Variants in ZNF16 observed in about 807,000 individuals in gnomAD.
ZNF16 encodes the protein zinc finger protein 16, also known as zinc finger protein KOX9.
A neutral mutation model predicts 9.0 loss-of-function variants in ZNF16; 7 were observed. That is an observed-to-expected ratio of 0.78 (90% CI 0.44 to 1.47). ZNF16 has a LOEUF of 1.47. Among genes scored for constraint, ZNF16 ranks in the 40% most tolerant of loss-of-function variants. The pLI, the probability that ZNF16 is intolerant of heterozygous loss-of-function variation, is 0.01. For missense variants in ZNF16, 830 were observed against 854.2 expected, an observed-to-expected ratio of 0.97 and a Z score of 0.35; for synonymous variants, 312 against 301.5, an observed-to-expected ratio of 1.03 and a Z score of -0.36.
chr8:144,939,453 G>A (rs1019596320), intron 2 of ZNF16, among the ~76,000 whole-genome samples: 1 of 151,938 alleles, frequency 6.6e-6, no homozygotes, highest in African/African-American at 2.4e-5. Context: ...AAAATTAGCT[G>A]GGCATAGTGG....
Position 144,933,039 on chromosome 8 carries a change from T to A in ZNF16, c.197-449A>T, listed in dbSNP as rs552383102. On this transcript the variant is annotated intron_variant, in intron 2 of 2. Transcript: ENST00000394909. The surrounding 1 kb of genome is among the most constrained non-coding windows in gnomAD (Gnocchi z 5.6). ...TCACACCACTCCTTACACTGTTACA[T>A]ATTTCACCCTTTTTTCTGTCCACAC... Among the ~76,000 whole-genome samples, 43 of 151,688 alleles carry A rather than the reference T, an allele frequency of 2.8e-4. No individual in the cohort carries two copies. Among genetic ancestry groups the A allele is most frequent in the Non-Finnish European group, 5.0e-4 (34 of 68,020 alleles).
chr8:144,930,961 C>G lies in ZNF16; in HGVS notation c.1826G>C (p.Gly609Ala), dbSNP rs148102607. Residue 609 changes from glycine to alanine, a missense_variant, in exon 3 of 3, where the codon GGC becomes GCC. Coordinates refer to ENST00000394909, the MANE Select transcript of ZNF16 (RefSeq NM_006958.3). ...AATGAGGTGTGAGCTCTGGCTGAAG[C>G]CCTTACCACATTCAACACAGGTGTA... ...KPYTCVECGK[G>A]FSQSSHLIQH... The G allele has an allele frequency of 2.5e-6, 4 of 1,613,562 alleles. No homozygotes were observed. Among genetic ancestry groups the G allele is most frequent in the Non-Finnish European group, 2.5e-6 (3 of 1,179,784 alleles).
At chr8:144,946,685 C>G in intron 1 of ZNF16, among the ~76,000 whole-genome samples, 3 of 115,160 alleles carry the variant, frequency 2.6e-5, no homozygotes, top group Non-Finnish European at 5.3e-5. Context: ...CTACTGTGGG[C>G]CATACCCTGC....
intron 1 of ZNF16, among the ~76,000 whole-genome samples, chr8:144,949,113 A>G (rs1210875082): frequency 6.6e-6 from 1 of 152,246 alleles, no homozygotes; most frequent in African/African-American, 2.4e-5. Flanking sequence ...CTAGAGGCTA[A>G]GCCTGCTCTT....
chr8:144,948,948 G>A (rs890518743), intron 1 of ZNF16, among the ~76,000 whole-genome samples: 1 of 152,212 alleles, frequency 6.6e-6, no homozygotes, highest in Non-Finnish European at 1.5e-5. Context: ...AATCAAATGA[G>A]CCCTTAAAAG....
At chr8:144,934,756 C>A (rs968831001) in intron 2 of ZNF16, among the ~76,000 whole-genome samples, 1 of 152,208 alleles carries the variant, frequency 6.6e-6, no homozygotes, top group East Asian at 1.9e-4. Context: ...ACAACACAGA[C>A]AGGAGTCAGG....
chr8:144,941,816 G>T (rs970947263), intron 2 of ZNF16, among the ~76,000 whole-genome samples: 4 of 151,032 alleles, frequency 2.6e-5, no homozygotes, highest in Non-Finnish European at 5.9e-5. Context: ...GTGCCATCGT[G>T]CCCGGCTAAT....
chr8:144,943,648 T>C (rs1298703183), intron 2 of ZNF16, among the ~76,000 whole-genome samples: 2 of 151,804 alleles, frequency 1.3e-5, no homozygotes, highest in African/African-American at 4.8e-5. Context: ...GCCTCCAGAG[T>C]AGCTGGGACT....
chr8:144,937,143 C>CTTT (rs58306145), intron 2 of ZNF16, among the ~76,000 whole-genome samples: 223 of 110,872 alleles, frequency 2.0e-3, no homozygotes, highest in Non-Finnish European at 2.9e-3. Flanking sequence ...CTTTCTCTCT[C>CTTT]TTTTTTTTTT....
intron 2 of ZNF16, among the ~76,000 whole-genome samples, chr8:144,941,437 A>C (rs1468715357): frequency 6.6e-6 from 1 of 152,102 alleles, no homozygotes; most frequent in Non-Finnish European, 1.5e-5. Flanking sequence ...TTTGAATCTA[A>C]AGCCTCTTGT....
intron 2 of ZNF16, among the ~76,000 whole-genome samples, chr8:144,938,617 T>A (rs1833736086): frequency 6.6e-6 from 1 of 152,248 alleles, no homozygotes; most frequent in South Asian, 2.1e-4. Context: ...TGCTGCAACT[T>A]TGCTGGGTTT....
intron 2 of ZNF16, among the ~76,000 whole-genome samples, chr8:144,934,294 C>G (rs1023195283): frequency 2.6e-5 from 4 of 152,236 alleles, no homozygotes; most frequent in African/African-American, 9.6e-5. Context: ...GCCAGAACAC[C>G]CTCTTGCAGC....
chr8:144,932,397 G>C lies in ZNF16; in HGVS notation c.390C>G (p.Leu130=), dbSNP rs1483393186. The change falls in exon 3 of 3, where the codon CTC becomes CTG. Residue 130 remains leucine (L), a synonymous_variant. Transcript: ENST00000394909. This position sits in a 1 kb window ranked among gnomAD's most constrained non-coding sequence, Gnocchi z 5.0. ...CTGGTGTGAAGTCCCCCTCCTGGGAGAGGGACTGTGGCAGCCTCCTGCCTT... is the reference window on the plus strand; with the variant it reads ...CTGGTGTGAAGTCCCCCTCCTGGGACAGGGACTGTGGCAGCCTCCTGCCTT... ...VPEGRRLPQS[L]SQEGDFTPAA... is the part of the protein sequence containing the mutation. The C allele has an allele frequency of 1.2e-6, 2 of 1,614,096 alleles. No homozygotes were observed. Among genetic ancestry groups the C allele is most frequent in the Non-Finnish European group, 1.7e-6 (2 of 1,180,050 alleles).
In ZNF16 at chr8:144,932,242, G is replaced by A. The variant is rs1479852089; in HGVS notation, c.545C>T (p.Pro182Leu). ...QEIPTEERPH[P>L]YDMGGQSFQH... ...GAAACTCTGGCCACCCATGTCATAT[G>A]GATGTGGCCTCTCTTCTGTAGGGAT... The change falls in exon 3 of 3, where the codon CCA (proline) becomes CTA (leucine). Residue 182 changes from proline to leucine, a missense_variant. By Grantham distance (98) the Pro-to-Leu change is moderately conservative. Transcript: ENST00000394909. The surrounding 1 kb of genome is among the most constrained non-coding windows in gnomAD (Gnocchi z 5.0). 1.2e-6 allele frequency: 2 copies of A among 1,614,080 alleles called. No homozygotes were observed. Among genetic ancestry groups the A allele is most frequent in the African/African-American group, 2.7e-5 (2 of 74,932 alleles).
chr8:144,937,028 T>A (rs550711674), intron 2 of ZNF16, among the ~76,000 whole-genome samples: 1 of 152,150 alleles, frequency 6.6e-6, no homozygotes, highest in African/African-American at 2.4e-5. Flanking sequence ...GCTTGTGTTT[T>A]GTTGTTGAGA....
chr8:144,931,150 T>C lies in ZNF16; in HGVS notation c.1637A>G (p.Glu546Gly). The C allele has an allele frequency of 6.2e-7, 1 of 1,614,156 alleles. No homozygotes were observed. Among genetic ancestry groups the C allele is most frequent in the Non-Finnish European group, 8.5e-7 (1 of 1,180,026 alleles). The stretch of plus-strand genomic sequence containing the variant: ...GAAGGTTTTTCCACATTCAGTACAT[T>C]CATAGGGCTTCTCTCCAGTGTGGAC... ...QRVHTGEKPY[E>G]CTECGKTFSQ... The change falls in exon 3 of 3, where the codon GAA becomes GGA. Residue 546 changes from glutamate to glycine, a missense_variant. Physicochemically the swap from Glu to Gly is moderately conservative, Grantham distance 98. Transcript: ENST00000394909.
At chr8:144,938,243 C>T (rs1002594109) in intron 2 of ZNF16, among the ~76,000 whole-genome samples, 3 of 152,138 alleles carry the variant, frequency 2.0e-5, no homozygotes, top group African/African-American at 7.2e-5. Flanking sequence ...TTTTGGCTAC[C>T]CAGGGCTCTT....
At chr8:144,947,289 TGTACCCTGCTGCGGGC>T (rs1833984687) in intron 1 of ZNF16, among the ~76,000 whole-genome samples, 1 of 4,736 alleles carries the variant, frequency 2.1e-4, no homozygotes, top group East Asian at 8.9e-3. Flanking sequence ...CTGTGGGGCC[TGTACCCTGCTGCGGGC>T]CTGTACCCTG....
chr8:144,931,895 A>G lies in ZNF16; in HGVS notation c.892T>C (p.Cys298Arg). The change falls in exon 3 of 3, where the codon TGT (cysteine) becomes CGT (arginine). Residue 298 changes from cysteine to arginine, a missense_variant. Coordinates refer to ENST00000394909, the MANE Select transcript of ZNF16 (RefSeq NM_006958.3). ...SSERPYMCNE[C>R]GKAFSQNSSL... The stretch of plus-strand genomic sequence containing the variant: ...GAGTTCTGGCTGAAGGCTTTTCCAC[A>G]TTCATTACACATATAAGGCCTCTCA... 6.2e-7 allele frequency: 1 copy of G among 1,614,206 alleles called. No homozygotes were observed. Among genetic ancestry groups the G allele is most frequent in the Non-Finnish European group, 8.5e-7 (1 of 1,180,040 alleles).
Sources: gnomAD v4.1 joint callset for allele counts (sites outside exome capture counted in the v4.1 genomes callset) on GRCh38, gnomAD v4.1.1 for gene constraint, Gnocchi (gnomAD v3.1) non-coding constraint, MANE v1.5 for transcripts, NCBI Gene and HGNC (gene_info 2026-07-23, HGNC 2026-07-21) for gene names.